Variants in PDGFA observed in about 807,000 individuals in gnomAD.
PDGFA encodes the protein platelet-derived growth factor subunit A.
PDGFA carries 9 observed loss-of-function variants against 25.6 expected under a neutral mutation model. The ratio of observed to expected loss-of-function variants is 0.35; its 90% CI spans 0.21 to 0.61. The LOEUF (loss-of-function observed/expected upper bound fraction) is 0.61. Among genes scored for constraint, PDGFA ranks in the 20% least tolerant of loss-of-function variants. The pLI, the probability that PDGFA is intolerant of heterozygous loss-of-function variation, is 0.75. For missense variants in PDGFA, 242 were observed against 272.8 expected, an observed-to-expected ratio of 0.89 and a Z score of 0.79; for synonymous variants, 133 against 111.8, an observed-to-expected ratio of 1.19 and a Z score of -1.20.
intron 2 of PDGFA, among the ~76,000 whole-genome samples, chr7:515,410 C>A (rs970935772): frequency 1.3e-5 from 2 of 152,168 alleles, no homozygotes; most frequent in African/African-American, 4.8e-5. Flanking sequence ...AAAGACACCC[C>A]CTACAAGCTG....
At chr7:509,989 G>A (rs1211784675) in intron 4 of PDGFA, among the ~76,000 whole-genome samples, 2 of 152,052 alleles carry the variant, frequency 1.3e-5, no homozygotes, top group Non-Finnish European at 2.9e-5. Flanking sequence ...AGCCGGGGGG[G>A]CCCTCCAAAG....
exon 1 of PDGFA, chr7:518,948 A>G: frequency 6.5e-7 from 1 of 1,534,150 alleles, no homozygotes; most frequent in Non-Finnish European, 8.8e-7. Flanking sequence ...CCTCGGCCAG[A>G]ACATGGGCGA....
chr7:497,945 A>AAAAC (rs1562481534), exon 6 of PDGFA: 2 of 120,568 alleles, frequency 1.7e-5, no homozygotes, highest in African/African-American at 3.0e-5. Flanking sequence ...GGTGTAAAAA[A>AAAAC]AAAAAAAAAA....
At chr7:520,104 G>A (rs1312194502), upstream of PDGFA, 9 of 392,098 alleles carry the variant, frequency 2.3e-5, no homozygotes, top group Non-Finnish European at 3.0e-5. Context: ...CCCCTCCCTC[G>A]AGCTTGCCCA....
chr7:519,024 T>C, exon 1 of PDGFA: 2 of 1,519,874 alleles, frequency 1.3e-6, no homozygotes, highest in Non-Finnish European at 1.8e-6. Flanking sequence ...CGCTGGCTGC[T>C]CGGAGGAGAG....
chr7:502,913 C>G (rs9691628), intron 4 of PDGFA, among the ~76,000 whole-genome samples: 82,708 of 151,196 alleles, frequency 0.55, 22,909 homozygotes, highest in Non-Finnish European at 0.58. Context: ...CTCCACCCCC[C>G]ACCAGTCATG....
At chr7:512,478 G>T (rs199569655) in intron 2 of PDGFA, 23 bp from the exon 3 acceptor site, 1 of 1,613,314 alleles carries the variant, frequency 6.2e-7, no homozygotes, top group Non-Finnish European at 8.5e-7. Flanking sequence ...GGAGAACACC[G>T]TGAATGCCCC....
intron 2 of PDGFA, among the ~76,000 whole-genome samples, chr7:516,281 G>C (rs1328511673): frequency 6.7e-6 from 1 of 150,088 alleles, no homozygotes; most frequent in Non-Finnish European, 1.5e-5. Context: ...CATCGGCCTT[G>C]TTAGAAAATG....
At chr7:503,790 T>C (rs1251999468) in intron 4 of PDGFA, among the ~76,000 whole-genome samples, 1 of 152,262 alleles carries the variant, frequency 6.6e-6, no homozygotes, top group African/African-American at 2.4e-5. Flanking sequence ...CAGCCAAGTA[T>C]GAGCTCAACA....
chr7:518,327 G>A (rs1404605942), intron 1 of PDGFA: 1 of 147,608 alleles, frequency 6.8e-6, no homozygotes, highest in African/African-American at 2.5e-5. Context: ...AGCTCCCGGG[G>A]ATGGGGATGG....
intron 3 of PDGFA, among the ~76,000 whole-genome samples, chr7:511,696 G>T (rs922724988): frequency 1.3e-5 from 2 of 152,178 alleles, no homozygotes; most frequent in Non-Finnish European, 2.9e-5. Flanking sequence ...AAACCCATCA[G>T]GTGGGACCCC....
Position 511,186 on chromosome 7 carries a change from C to T in PDGFA, c.266-190G>A, listed in dbSNP as rs1016687327. Reference sequence around the variant, plus strand: ...TGGGTGGGCAGGAGCACCACACATCCAGAGGAGCCCAGCCCGGTGCCTGCA... The same window carrying T: ...TGGGTGGGCAGGAGCACCACACATCTAGAGGAGCCCAGCCCGGTGCCTGCA... On this transcript the variant is annotated intron_variant, in intron 3 of 5. Coordinates refer to ENST00000402802, the Ensembl canonical transcript of PDGFA. 2.0e-5 allele frequency among the ~76,000 whole-genome samples: 3 copies of T among 149,978 alleles called. No homozygotes were observed. In the South Asian group the frequency reaches 6.4e-4, roughly 32 times the overall value.
intron 3 of PDGFA, among the ~76,000 whole-genome samples, chr7:511,873 G>T (rs745617513): frequency 1.3e-5 from 2 of 152,188 alleles, no homozygotes; most frequent in African/African-American, 4.8e-5. Context: ...TGTGAGTGGG[G>T]CGGGGCACAC....
Position 500,712 on chromosome 7 carries a change from G to A in PDGFA, c.580+404C>T, listed in dbSNP as rs988711563. 1.2e-5 allele frequency: 17 copies of A among 1,440,460 alleles called. 1 individual carries two copies. The highest frequency in any genetic ancestry group is 7.3e-5 in the South Asian group (5 of 68,190). The allele number at this position is 1,440,460 out of a possible 1,614,324, so 89.2% of individuals were successfully genotyped here. ...TGCTCCTGGGTGGAGTCCGCGTGGC[G>A]GGGTGAAGGAGAGACCCCAGCCAGC... On this transcript the variant is annotated intron_variant, in intron 5 of 5. Coordinates refer to ENST00000402802, the Ensembl canonical transcript of PDGFA. The surrounding 1 kb of genome is among the most constrained non-coding windows in gnomAD (Gnocchi z 5.0).
Position 517,621 on chromosome 7 carries a change from C to G in PDGFA, c.64-131G>C. 6.0e-6 allele frequency: 1 copy of G among 167,172 alleles called. No homozygotes were observed. The highest frequency in any genetic ancestry group is 1.2e-5 in the Non-Finnish European group (1 of 81,230). 10.4% of individuals were successfully genotyped at this position (167,172 alleles called of 1,614,324 possible). A position where few individuals can be genotyped will look rare whatever the true frequency, so the allele number is the denominator to read the frequency against. ...GCGCCGGCCGCAGTCCCCGCCCCAG[C>G]CCCCGCGGAGCCCTCGCCCCGGCCC... On this transcript the variant is annotated intron_variant, in intron 1 of 5. Coordinates refer to ENST00000402802, the Ensembl canonical transcript of PDGFA. This position sits in a 1 kb window ranked among gnomAD's most constrained non-coding sequence, Gnocchi z 7.4.
In PDGFA at chr7:500,546, C is replaced by G. The variant is rs556108387; in HGVS notation, c.580+570G>C. ...GGTGAGTGGGCCGAGGGACGGCCGT[C>G]GGGGTGAAGAACTGAAGCAACAAAT... is the stretch of plus-strand genomic sequence containing the variant. On this transcript the variant is annotated intron_variant, in intron 5 of 5. Coordinates refer to ENST00000402802, the Ensembl canonical transcript of PDGFA. This position sits in a 1 kb window ranked among gnomAD's most constrained non-coding sequence, Gnocchi z 5.0. The G allele has an allele frequency of 6.2e-7, 1 of 1,613,162 alleles. No homozygotes were observed. Among genetic ancestry groups the G allele is most frequent in the African/African-American group, 1.3e-5 (1 of 74,978 alleles).
chr7:512,088 C>T (rs1375514992), intron 3 of PDGFA, among the ~76,000 whole-genome samples: 2 of 152,218 alleles, frequency 1.3e-5, no homozygotes, highest in Non-Finnish European at 2.9e-5. Flanking sequence ...TGGAAGCTCT[C>T]TTGGCCCAGA....
intron 3 of PDGFA, among the ~76,000 whole-genome samples, chr7:511,261 A>G (rs1294458831): frequency 1.6e-5 from 2 of 121,974 alleles, no homozygotes; most frequent in Non-Finnish European, 3.3e-5. Flanking sequence ...GGGGAGGGGA[A>G]CTTAGTCCAG....
At chr7:511,718 G>T (rs1782859854) in intron 3 of PDGFA, among the ~76,000 whole-genome samples, 1 of 152,158 alleles carries the variant, frequency 6.6e-6, no homozygotes, top group African/African-American at 2.4e-5. Context: ...GAGGACGCGG[G>T]ACTTGGGTAG....
Sources: gnomAD v4.1 joint callset for allele counts (sites outside exome capture counted in the v4.1 genomes callset) on GRCh38, gnomAD v4.1.1 for gene constraint, Gnocchi (gnomAD v3.1) non-coding constraint, MANE v1.5 for transcripts, NCBI Gene and HGNC (gene_info 2026-07-23, HGNC 2026-07-21) for gene names.